The following HAUS1 variants were observed in gnomAD, a reference collection of about 807,000 sequenced individuals.
The protein encoded by HAUS1 is HAUS augmin-like complex subunit 1.
HAUS1 carries 25 observed loss-of-function variants against 38.6 expected under a neutral mutation model. That is an observed-to-expected ratio of 0.65 (90% confidence interval 0.47 to 0.91). The LOEUF is 0.91. HAUS1 is among the 40% of genes least tolerant of loss of function. The probability of loss-of-function intolerance (pLI) is 0.00; values close to 1 mark genes in which losing one functional copy is unlikely to be tolerated. For missense variants in HAUS1, 325 were observed against 328.4 expected (o/e 0.99, Z 0.08); for synonymous variants, 109 against 112.9 (o/e 0.97, Z 0.22).
At chr18:46,111,094 TC>T (rs1421671723) in intron 2 of HAUS1, among the ~76,000 whole-genome samples, 32 of 152,010 alleles carry the variant, frequency 2.1e-4, no homozygotes, top group Admixed American at 2.1e-3. Context: ...GCCAGAATGG[TC>T]TTGATCTCCT....
chr18:46,123,368 A>G lies in HAUS1; in HGVS notation c.666+4A>G, dbSNP rs745737659. 1 of 1,591,166 alleles carries G rather than the reference A, an allele frequency of 6.3e-7. No homozygotes were observed. Among genetic ancestry groups the G allele is most frequent in the Non-Finnish European group, 8.6e-7 (1 of 1,164,720 alleles). On this transcript the variant is annotated splice_donor_region_variant and intron_variant, in intron 6 of 8. Transcript: ENST00000282058. ...GTCCTTAGTAGCACTATCAGAGGTG[A>G]GCTTATTTTAACCTAATTTAACTTT...
chr18:46,110,341 T>TTTTTTG (rs1568262605), intron 2 of HAUS1, among the ~76,000 whole-genome samples: 7 of 120,072 alleles, frequency 5.8e-5, no homozygotes, highest in African/African-American at 1.6e-4. Flanking sequence ...AGGTTTTTTT[T>TTTTTTG]TTTTTTTTTT....
intron 2 of HAUS1, among the ~76,000 whole-genome samples, chr18:46,107,881 A>G (rs962323424): frequency 2.6e-5 from 4 of 152,056 alleles, no homozygotes; most frequent in Non-Finnish European, 4.4e-5. Context: ...TTTGTTTTTT[A>G]TAGTGGAGAG....
chr18:46,112,174 C>T lies in HAUS1; in HGVS notation c.206-6007C>T, dbSNP rs182663043. 7.4e-3 allele frequency among the ~76,000 whole-genome samples: 1,093 copies of T among 148,208 alleles called. 16 individuals carry two copies. Among genetic ancestry groups the T allele is most frequent in the Middle Eastern group, 0.022 (6 of 278 alleles). On this transcript the variant is annotated intron_variant, in intron 2 of 8. Transcript: ENST00000282058. ...TGCTGGGATTACAGGCGTGAACTAC[C>T]GCACCTGGCCTTTCATTTTCCTTTG... is the stretch of plus-strand genomic sequence containing the variant.
chr18:46,123,792 GGTTTT>G (rs1201091174), intron 6 of HAUS1, among the ~76,000 whole-genome samples: 1 of 152,044 alleles, frequency 6.6e-6, no homozygotes, highest in Admixed American at 6.6e-5. Context: ...AGAAATAGAG[GGTTTT>G]GTTTTGTTTT....
intron 2 of HAUS1, among the ~76,000 whole-genome samples, chr18:46,110,461 C>T (rs937078453): frequency 8.2e-5 from 12 of 146,098 alleles, no homozygotes; most frequent in Non-Finnish European, 1.0e-4. Context: ...TCTTCTGCCT[C>T]AGATTCCCAG....
chr18:46,119,519 C>CTAT (rs886425553), intron 3 of HAUS1, among the ~76,000 whole-genome samples: 1 of 151,774 alleles, frequency 6.6e-6, no homozygotes, highest in African/African-American at 2.4e-5. Context: ...TGCCTTCTTA[C>CTAT]TATAGCTCTG....
At chr18:46,121,022 A>G (rs1421600034) in intron 4 of HAUS1, among the ~76,000 whole-genome samples, 2 of 152,186 alleles carry the variant, frequency 1.3e-5, no homozygotes, top group African/African-American at 4.8e-5. Flanking sequence ...ATGATACTTT[A>G]GGCCTTTTTC....
At chr18:46,121,299 C>T (rs1911936032) in intron 4 of HAUS1, among the ~76,000 whole-genome samples, 1 of 152,112 alleles carries the variant, frequency 6.6e-6, no homozygotes. Flanking sequence ...AAGTGATTCT[C>T]CTGCCTCAGC....
At chr18:46,114,849 G>A (rs1911759673) in intron 2 of HAUS1, among the ~76,000 whole-genome samples, 1 of 152,130 alleles carries the variant, frequency 6.6e-6, no homozygotes, top group Admixed American at 6.6e-5. Context: ...TCCTTACTGA[G>A]TTTTTATAGA....
Position 46,125,730 on chromosome 18 carries a change from A to G in HAUS1, c.739-14A>G, listed in dbSNP as rs748045872. The G allele has an allele frequency of 9.0e-6, 14 of 1,555,376 alleles. No homozygotes were observed. The East Asian group carries it at 2.7e-4, about 30-fold the overall frequency. On this transcript the variant is annotated splice_polypyrimidine_tract_variant and intron_variant, in intron 7 of 8. Transcript: ENST00000282058. ...AGGCAATATAACCTTTCCTTGTTTT[A>G]TTTTTTTTTAAAGAATCCGTCTCTT...
chr18:46,123,369 G>T lies in HAUS1; in HGVS notation c.666+5G>T. 6.3e-7 allele frequency: 1 copy of T among 1,590,410 alleles called. No individual in the cohort carries two copies. Among genetic ancestry groups the T allele is most frequent in the Non-Finnish European group, 8.6e-7 (1 of 1,164,474 alleles). ...TCCTTAGTAGCACTATCAGAGGTGA[G>T]CTTATTTTAACCTAATTTAACTTTC... On this transcript the variant is annotated splice_donor_5th_base_variant and intron_variant, in intron 6 of 8. Coordinates refer to ENST00000282058, the MANE Select transcript of HAUS1 (RefSeq NM_138443.4).
rs114226857 is a variant in HAUS1, at chr18:46,107,597, T to A, written c.205+2229T>A. Among the ~76,000 whole-genome samples the A allele has an allele frequency of 7.9e-3, 1,201 of 152,276 alleles. 27 individuals are homozygous for A. The highest frequency in any genetic ancestry group is 0.027 in the African/African-American group (1,128 of 41,556). On this transcript the variant is annotated intron_variant, in intron 2 of 8. Coordinates refer to ENST00000282058, the MANE Select transcript of HAUS1 (RefSeq NM_138443.4). Reference sequence around the variant, plus strand: ...AAAGTGTTGAGCAGAAAATGAAAAATATGTGGAACTTTATAACAAGTGTAC... The same window carrying A: ...AAAGTGTTGAGCAGAAAATGAAAAAAATGTGGAACTTTATAACAAGTGTAC...
In HAUS1 at chr18:46,122,558, G is replaced by C; in HGVS notation, c.568G>C (p.Glu190Gln). The change falls in exon 5 of 9, where the codon GAG (glutamate) becomes CAG (glutamine). Residue 190 changes from glutamate (E) to glutamine (Q), a missense_variant. Glu to Gln is a conservative substitution (Grantham distance 29, BLOSUM62 2). Transcript: ENST00000282058. ...CATGGACTTTCTAAAAGCAAAGTCA[G>C]AGGAATTCAGATTTGGAATCAAGGC... The part of the protein sequence containing the change: ...QNMDFLKAKS[E>Q]EFRFGIKAAE... The C allele has an allele frequency of 6.2e-7, 1 of 1,614,160 alleles. No individual in the cohort carries two copies. The highest frequency in any genetic ancestry group is 8.5e-7 in the Non-Finnish European group (1 of 1,179,998).
chr18:46,108,928 G>A (rs915220902), intron 2 of HAUS1, among the ~76,000 whole-genome samples: 1 of 151,900 alleles, frequency 6.6e-6, no homozygotes, highest in Non-Finnish European at 1.5e-5. Flanking sequence ...AAAATTAGCC[G>A]GGCATGGTGG....
At chr18:46,112,280 A>AATAT (rs1263493768) in intron 2 of HAUS1, among the ~76,000 whole-genome samples, 2 of 91,256 alleles carry the variant, frequency 2.2e-5, no homozygotes, top group African/African-American at 3.8e-5. Context: ...TTATATATAT[A>AATAT]ATATATAATG....
intron 6 of HAUS1, among the ~76,000 whole-genome samples, chr18:46,123,982 C>A (rs1912024999): frequency 6.6e-6 from 1 of 152,052 alleles, no homozygotes; most frequent in African/African-American, 2.4e-5. Context: ...CTCAAGTGAT[C>A]CTCCCACCTT....
intron 5 of HAUS1, 89 bp from the exon 6 acceptor site, chr18:46,123,210 C>CAAA: frequency 3.9e-6 from 3 of 766,888 alleles, no homozygotes; most frequent in Non-Finnish European, 6.3e-6. Context: ...GACTCGGTCT[C>CAAA]AAAAAAAAAA....
chr18:46,105,473 C>G, intron 2 of HAUS1, 105 bp downstream of exon 2: 2 of 939,810 alleles, frequency 2.1e-6, no homozygotes, highest in South Asian at 3.9e-5. Flanking sequence ...TGTTTTGCTC[C>G]TTTATTTTTC....
Sources: gnomAD v4.1 joint callset for allele counts (sites outside exome capture counted in the v4.1 genomes callset) on GRCh38, gnomAD v4.1.1 for gene constraint, MANE v1.5 for transcripts, NCBI Gene and HGNC (gene_info 2026-07-23, HGNC 2026-07-21) for gene names.